The following ZNF385D variants were observed in gnomAD, a reference collection of about 807,000 sequenced individuals.
ZNF385D encodes the protein zinc finger protein 385D.
ZNF385D carries 15 observed loss-of-function variants against 35.8 expected under a neutral mutation model. The observed-to-expected ratio is 0.42, with a 90% confidence interval of 0.28 to 0.64. The LOEUF is 0.64. Ranked by LOEUF, ZNF385D falls within the 30% of genes least tolerant of loss-of-function variation. The pLI, the probability that ZNF385D is intolerant of heterozygous loss-of-function variation, is 0.23. For missense variants in ZNF385D, 474 were observed against 494.6 expected, an observed-to-expected ratio of 0.96 and a Z score of 0.39; for synonymous variants, 212 against 186.8, an observed-to-expected ratio of 1.13 and a Z score of -1.10.
At chr3:22,106,563 C>A (rs1702224264) in intron 3 of ZNF385D, among the ~76,000 whole-genome samples, 1 of 151,936 alleles carries the variant, frequency 6.6e-6, no homozygotes, top group African/African-American at 2.4e-5. Flanking sequence ...GATTTGATGC[C>A]CTTATTAGTC....
At chr3:21,872,978 G>A (rs568786235) in intron 3 of ZNF385D, among the ~76,000 whole-genome samples, 35 of 152,124 alleles carry the variant, frequency 2.3e-4, no homozygotes, top group African/African-American at 7.7e-4. Flanking sequence ...CCACTATTTC[G>A]TGCCAGTCGA....
At chr3:21,730,268 G>A (rs778496106) in intron 1 of ZNF385D, among the ~76,000 whole-genome samples, 1 of 152,154 alleles carries the variant, frequency 6.6e-6, no homozygotes, top group Non-Finnish European at 1.5e-5. Flanking sequence ...ACACAGATGA[G>A]CCTTAACCAC....
At chr3:22,030,987 C>T (rs1023458408) in intron 3 of ZNF385D, among the ~76,000 whole-genome samples, 2 of 152,196 alleles carry the variant, frequency 1.3e-5, no homozygotes, top group Non-Finnish European at 2.9e-5. Flanking sequence ...CCCGGCTGGG[C>T]AGTCATTAAA....
chr3:21,859,692 A>G (rs1237161822), intron 3 of ZNF385D, among the ~76,000 whole-genome samples: 1 of 144,292 alleles, frequency 6.9e-6, no homozygotes, highest in African/African-American at 2.6e-5. Context: ...TTTTTCCTGT[A>G]GTTGTGAGGT....
At chr3:21,846,701 C>G (rs1575766691) in intron 3 of ZNF385D, among the ~76,000 whole-genome samples, 2 of 151,838 alleles carry the variant, frequency 1.3e-5, no homozygotes, top group African/African-American at 2.4e-5. Context: ...AATTAACTAT[C>G]CCCAGCACAA....
intron 2 of ZNF385D, among the ~76,000 whole-genome samples, chr3:22,230,601 C>A (rs1002761464): frequency 3.9e-5 from 6 of 152,142 alleles, no homozygotes; most frequent in Admixed American, 6.5e-5. Flanking sequence ...ACGAGTGGGG[C>A]CTCACATCAA....
chr3:21,781,477 C>G (rs2071485561), intron 3 of ZNF385D, among the ~76,000 whole-genome samples: 1 of 151,794 alleles, frequency 6.6e-6, no homozygotes, highest in Non-Finnish European at 1.5e-5. Flanking sequence ...CAAGAAGTGT[C>G]AAAGTCTTGA....
intron 1 of ZNF385D, among the ~76,000 whole-genome samples, chr3:21,745,319 C>T (rs990206064): frequency 6.6e-6 from 1 of 152,172 alleles, no homozygotes; most frequent in African/African-American, 2.4e-5. Context: ...AAGAGATTCA[C>T]TACATCCCAG....
At chr3:21,689,826 A>T (rs1455783880) in intron 1 of ZNF385D, among the ~76,000 whole-genome samples, 2 of 151,910 alleles carry the variant, frequency 1.3e-5, no homozygotes, top group Non-Finnish European at 2.9e-5. Context: ...CTTGAGGATC[A>T]CTGCCCTAAA....
At chr3:21,707,802 A>C (rs762812302) in intron 1 of ZNF385D, among the ~76,000 whole-genome samples, 3 of 152,172 alleles carry the variant, frequency 2.0e-5, no homozygotes, top group Non-Finnish European at 4.4e-5. Flanking sequence ...ATCGGTCTTC[A>C]AAGATGGGAA....
At chr3:21,988,639 C>G (rs917745367) in intron 3 of ZNF385D, among the ~76,000 whole-genome samples, 10 of 151,154 alleles carry the variant, frequency 6.6e-5, no homozygotes, top group Non-Finnish European at 1.0e-4. Flanking sequence ...TGTGCCCTGC[C>G]CGCAGAGGTG....
At chr3:21,937,214 GC>G (rs1354755335) in intron 3 of ZNF385D, among the ~76,000 whole-genome samples, 1 of 151,696 alleles carries the variant, frequency 6.6e-6, no homozygotes, top group Non-Finnish European at 1.5e-5. Flanking sequence ...CAGATGAAAG[GC>G]CCAAATAATG....
intron 3 of ZNF385D, among the ~76,000 whole-genome samples, chr3:22,068,341 T>A (rs770869630): frequency 1.6e-4 from 24 of 152,298 alleles, no homozygotes; most frequent in Non-Finnish European, 2.9e-4. Flanking sequence ...CACTCTGAGC[T>A]ACACTTTACC....
intron 2 of ZNF385D, among the ~76,000 whole-genome samples, chr3:22,245,831 T>C (rs949783457): frequency 6.6e-5 from 10 of 152,068 alleles, no homozygotes; most frequent in Admixed American, 5.2e-4. Context: ...CTGGGACAGA[T>C]TGGAAAGAAT....
chr3:22,065,707 G>C (rs1202599925), intron 3 of ZNF385D, among the ~76,000 whole-genome samples: 1 of 151,926 alleles, frequency 6.6e-6, no homozygotes, highest in Non-Finnish European at 1.5e-5. Flanking sequence ...GTGGGGGAAT[G>C]GTATTCTCAA....
chr3:22,224,551 G>C (rs1174293356), intron 2 of ZNF385D, among the ~76,000 whole-genome samples: 3 of 152,158 alleles, frequency 2.0e-5, no homozygotes, highest in Admixed American at 6.5e-5. Flanking sequence ...GACTGGCAAA[G>C]GATAATGAAA....
chr3:22,215,627 G>A (rs370761361), intron 2 of ZNF385D, among the ~76,000 whole-genome samples: 9 of 152,014 alleles, frequency 5.9e-5, no homozygotes, highest in South Asian at 4.1e-4. Context: ...ATACTTGCCC[G>A]AAACTTCATT....
chr3:21,577,600 C>T (rs76532044), intron 2 of ZNF385D, among the ~76,000 whole-genome samples: 6,783 of 152,108 alleles, frequency 0.045, 221 homozygotes, highest in East Asian at 0.15. Flanking sequence ...TTTTCCATAA[C>T]GGCTGTACTA....
intron 3 of ZNF385D, among the ~76,000 whole-genome samples, chr3:21,869,371 C>T (rs1697562718): frequency 1.3e-5 from 2 of 152,042 alleles, no homozygotes; most frequent in East Asian, 1.9e-4. Flanking sequence ...ACTAATGTCC[C>T]ACACCAAACT....
Sources: allele counts gnomAD v4.1 joint callset (sites outside exome capture counted in the v4.1 genomes callset), GRCh38; gene constraint gnomAD v4.1.1; transcripts MANE v1.5; gene names NCBI Gene and HGNC (gene_info 2026-07-23, HGNC 2026-07-21).